Variants in RPN2 observed in about 807,000 individuals in gnomAD.
The protein encoded by RPN2 is dolichyl-diphosphooligosaccharide--protein glycosyltransferase subunit 2.
RPN2 carries 29 observed loss-of-function variants against 71.4 expected under a neutral mutation model. The observed-to-expected ratio is 0.41, with a 90% confidence interval of 0.30 to 0.55. The LOEUF is 0.55. RPN2 is among the 20% of genes least tolerant of loss of function. The pLI is 0.35. For synonymous variants in RPN2, 308 were observed against 305.0 expected (o/e 1.01, Z -0.10); for missense variants, 726 against 774.1 (o/e 0.94, Z 0.74).
At chr20:37,207,585 TC>T in intron 7 of RPN2, 136 bp downstream of exon 7, 1 of 825,116 alleles carries the variant, frequency 1.2e-6, no homozygotes, top group Non-Finnish European at 2.1e-6. Context: ...AAGGCTCATT[TC>T]CCTGAGCCTT....
chr20:37,213,466 G>A (rs2067726268), intron 8 of RPN2, among the ~76,000 whole-genome samples: 1 of 152,090 alleles, frequency 6.6e-6, no homozygotes, highest in Non-Finnish European at 1.5e-5. Context: ...GTGCATGCCT[G>A]CTGTCCCAAC....
At chr20:37,216,855 T>C (rs1600809192) in intron 9 of RPN2, among the ~76,000 whole-genome samples, 1 of 152,234 alleles carries the variant, frequency 6.6e-6, no homozygotes. Context: ...TGTAGTATTT[T>C]ACACCCTTTT....
At chr20:37,208,574 T>C (rs1179627803) in intron 7 of RPN2, among the ~76,000 whole-genome samples, 3 of 152,214 alleles carry the variant, frequency 2.0e-5, no homozygotes, top group Admixed American at 6.5e-5. Flanking sequence ...CTGGTGTTTA[T>C]GGTTGATCAG....
rs1464168349 is a variant in RPN2 at position 37,241,521 on chromosome 20, C to T, written c.*206C>T. ...GCTCAGATAGTCTCTTTCTCTGACACTGTGTAAGAAGCTGTGAATATTCCT... is the reference window on the plus strand; with the variant it reads ...GCTCAGATAGTCTCTTTCTCTGACATTGTGTAAGAAGCTGTGAATATTCCT... On this transcript the variant is annotated 3_prime_UTR_variant, in exon 17 of 17. Transcript: ENST00000237530. 4.7e-6 allele frequency: 3 copies of T among 637,742 alleles called. No homozygotes were observed. Among genetic ancestry groups the T allele is most frequent in the Non-Finnish European group, 8.4e-6 (3 of 358,282 alleles). The allele number at this position is 637,742 out of a possible 1,614,324, so 39.5% of individuals were successfully genotyped here. A position where few individuals can be genotyped will look rare whatever the true frequency, so the allele number is the denominator to read the frequency against.
chr20:37,183,133 G>A (rs1415341739), intron 1 of RPN2, among the ~76,000 whole-genome samples: 3 of 152,022 alleles, frequency 2.0e-5, no homozygotes, highest in African/African-American at 7.3e-5. Flanking sequence ...TGCTATGAGT[G>A]GATATAAGCA....
chr20:37,225,670 T>C lies in RPN2; in HGVS notation c.1185-18T>C, dbSNP rs1480100749. 1.7e-5 allele frequency: 26 copies of C among 1,540,166 alleles called. No homozygotes were observed. Among genetic ancestry groups the C allele is most frequent in the Non-Finnish European group, 2.2e-5 (24 of 1,112,478 alleles). On this transcript the variant is annotated intron_variant, in intron 10 of 16. Coordinates refer to ENST00000237530, the MANE Select transcript of RPN2 (RefSeq NM_002951.5). ...ATACTGATCCTCTCTGAAGACTAAC[T>C]CTATATGCCTCTTTCAGGGTGACAT...
At position 37,187,298 on chromosome 20, in the gene RPN2, C is replaced by T. The variant is rs2067028427; in HGVS notation, c.207+2925C>T. Among the ~76,000 whole-genome samples the T allele has an allele frequency of 3.0e-4, 3 of 9,914 alleles. 1 individual carries two copies. The allele number at this position is 9,914 out of a possible 152,430, so 6.5% of individuals were successfully genotyped here. A position where few individuals can be genotyped will look rare whatever the true frequency, so the allele number is the denominator to read the frequency against. On this transcript the variant is annotated intron_variant, in intron 2 of 16. Coordinates refer to ENST00000237530, the MANE Select transcript of RPN2 (RefSeq NM_002951.5). ...CGGGCGGATCACGAGGTCAGGAGAT[C>T]GAGACCATCCCGGCTAAAACGGTGA...
intron 2 of RPN2, among the ~76,000 whole-genome samples, chr20:37,197,372 T>G (rs1255939991): frequency 6.6e-6 from 1 of 152,152 alleles, no homozygotes; most frequent in African/African-American, 2.4e-5. Flanking sequence ...GATGACTGAC[T>G]GGGACAATGT....
intron 5 of RPN2, 37 bp from the exon 6 acceptor site, chr20:37,204,730 A>G (rs2146587680): frequency 3.1e-6 from 5 of 1,612,870 alleles, no homozygotes; most frequent in Non-Finnish European, 4.2e-6. Context: ...TTCTGCTGTT[A>G]CTTGACATCC....
At chr20:37,218,802 C>T (rs2067882364) in intron 9 of RPN2, among the ~76,000 whole-genome samples, 2 of 151,856 alleles carry the variant, frequency 1.3e-5, no homozygotes, top group Admixed American at 6.6e-5. Context: ...TTTGTTTTTT[C>T]ACTTAACATA....
At chr20:37,180,220 C>G (rs62206557) in intron 1 of RPN2, among the ~76,000 whole-genome samples, 61,964 of 152,002 alleles carry the variant, frequency 0.41, 13,751 homozygotes, top group African/African-American at 0.57. Flanking sequence ...GAGTCAGTGG[C>G]TCACCGTTTC....
chr20:37,184,147 G>A (rs1246343265), intron 1 of RPN2, 33 bp from the exon 2 acceptor site: 1 of 1,612,602 alleles, frequency 6.2e-7, no homozygotes, highest in Non-Finnish European at 8.5e-7. Flanking sequence ...TTGGAAGAGT[G>A]TAGAGTGTAC....
At chr20:37,208,536 C>T (rs182566385) in intron 7 of RPN2, among the ~76,000 whole-genome samples, 2 of 152,226 alleles carry the variant, frequency 1.3e-5, no homozygotes, top group Non-Finnish European at 2.9e-5. Flanking sequence ...TGTTATTTTA[C>T]GACAGCTGTT....
chr20:37,222,985 CAA>C (rs2067996004), intron 9 of RPN2, among the ~76,000 whole-genome samples: 1 of 152,212 alleles, frequency 6.6e-6, no homozygotes, highest in African/African-American at 2.4e-5. Context: ...TGGCTTAAAA[CAA>C]TGAGGGTTTA....
At chr20:37,204,744 A>C in intron 5 of RPN2, 23 bp from the exon 6 acceptor site, 1 of 1,614,112 alleles carries the variant, frequency 6.2e-7, no homozygotes, top group South Asian at 1.1e-5. Context: ...GACATCCAGC[A>C]TATTTCTGTT....
At chr20:37,232,274 T>G (rs1212572462) in intron 13 of RPN2, 22 bp from the exon 14 acceptor site, 1 of 1,614,036 alleles carries the variant, frequency 6.2e-7, no homozygotes, top group East Asian at 2.2e-5. Context: ...TTCTTAAGTC[T>G]TCTTGGTGTG....
At chr20:37,181,380 T>C (rs6031882) in intron 1 of RPN2, among the ~76,000 whole-genome samples, 61,567 of 151,388 alleles carry the variant, frequency 0.41, 13,645 homozygotes, top group African/African-American at 0.57. Context: ...CAAAAAACAC[T>C]GTATGTGTAC....
chr20:37,195,959 T>G (rs1466545359), intron 2 of RPN2, among the ~76,000 whole-genome samples: 1 of 152,196 alleles, frequency 6.6e-6, no homozygotes, highest in African/African-American at 2.4e-5. Flanking sequence ...TGGAGTAGCA[T>G]GTACACACAG....
At chr20:37,213,217 A>C (rs2146621271) in intron 8 of RPN2, among the ~76,000 whole-genome samples, 1 of 152,330 alleles carries the variant, frequency 6.6e-6, no homozygotes, top group Admixed American at 6.5e-5. Flanking sequence ...TACACTGTGG[A>C]AAGCTACCAG....
Sources: gnomAD v4.1 joint callset for allele counts (sites outside exome capture counted in the v4.1 genomes callset) on GRCh38, gnomAD v4.1.1 for gene constraint, MANE v1.5 for transcripts, NCBI Gene and HGNC (gene_info 2026-07-23, HGNC 2026-07-21) for gene names.